The following PCDHGA5 variants were observed in gnomAD, a reference collection of about 807,000 sequenced individuals.
The protein encoded by PCDHGA5 is protocadherin gamma subfamily A, 5, also known as protocadherin gamma-A5.
In PCDHGA5, 36 loss-of-function variants were observed where a neutral mutation model predicts 56.7. That is an observed-to-expected ratio of 0.64 (90% CI 0.49 to 0.84). PCDHGA5 has a LOEUF of 0.84. Ranked by LOEUF, PCDHGA5 falls within the 40% of genes least tolerant of loss-of-function variation. The pLI, the probability that PCDHGA5 is intolerant of heterozygous loss-of-function variation, is 0.00. For missense variants in PCDHGA5, 1,305 were observed against 1,201.5 expected (o/e 1.09, Z -1.27); for synonymous variants, 563 against 520.2 (o/e 1.08, Z -1.12).
In PCDHGA5 at chr5:141,432,075, C is replaced by G. The variant is rs2097446801; in HGVS notation, c.2422-62732C>G. 2 of 1,614,086 alleles carry G rather than the reference C, an allele frequency of 1.2e-6. No individual in the cohort carries two copies. Among genetic ancestry groups the G allele is most frequent in the Non-Finnish European group, 1.7e-6 (2 of 1,180,054 alleles). ...CCCCTATCCACGGAAACTCATATCT[C>G]GCTGAACGTGGCAGACACCAACGAC... On this transcript the variant is annotated intron_variant, in intron 1 of 3. Transcript: ENST00000518069. This position sits in a 1 kb window ranked among gnomAD's most constrained non-coding sequence, Gnocchi z 6.0.
chr5:141,435,614 C>A, intron 1 of PCDHGA5, among the ~76,000 whole-genome samples: 1 of 152,056 alleles, frequency 6.6e-6, no homozygotes, highest in East Asian at 1.9e-4. Flanking sequence ...ACATTAAATT[C>A]CCCATAACTT....
In PCDHGA5 at chr5:141,457,578, C is replaced by T. The variant is rs538068150; in HGVS notation, c.2422-37229C>T. Among the ~76,000 whole-genome samples, 38 of 152,304 alleles carry T rather than the reference C, an allele frequency of 2.5e-4. No individual in the cohort carries two copies. The South Asian group carries it at 7.7e-3, about 31-fold the overall frequency. ...AGCTTTGGAGCAAAATTTTTCTCTC[C>T]AGTCCTCATTTTTGGTAAAAACTAA... On this transcript the variant is annotated intron_variant, in intron 1 of 3. Coordinates refer to ENST00000518069, the MANE Select transcript of PCDHGA5 (RefSeq NM_018918.3).
intron 1 of PCDHGA5, chr5:141,478,026 C>G: frequency 6.2e-7 from 1 of 1,614,180 alleles, no homozygotes; most frequent in Non-Finnish European, 8.5e-7. Flanking sequence ...GTCCAAGACA[C>G]AGATTCACCC....
At chr5:141,501,901 C>T (rs1595767273) in intron 2 of PCDHGA5, among the ~76,000 whole-genome samples, 1 of 152,070 alleles carries the variant, frequency 6.6e-6, no homozygotes, top group Non-Finnish European at 1.5e-5. Context: ...TGGTTCCAAC[C>T]CCACTGTTCC....
chr5:141,365,735 G>T lies in PCDHGA5; in HGVS notation c.1405G>T (p.Val469Phe), dbSNP rs1764082475. 6 of 1,613,626 alleles carry T rather than the reference G, an allele frequency of 3.7e-6. No homozygotes were observed. Among genetic ancestry groups the T allele is most frequent in the Non-Finnish European group, 5.1e-6 (6 of 1,179,894 alleles). The change falls in exon 1 of 4, where the codon GTC becomes TTC. Residue 469 changes from valine (V) to phenylalanine (F), a missense_variant. Val to Phe is a conservative substitution (Grantham distance 50). Coordinates refer to ENST00000518069, the MANE Select transcript of PCDHGA5 (RefSeq NM_018918.3). ...TGTCACAGAAAACAATCCCAGAGGT[G>T]TCTCTATCTTCTCTGTGACAGCCCA... ...TSVTENNPRG[V>F]SIFSVTAHDP...
chr5:141,384,595 G>A, intron 1 of PCDHGA5: 1 of 1,614,198 alleles, frequency 6.2e-7, no homozygotes, highest in Non-Finnish European at 8.5e-7. Flanking sequence ...CCTGTACCCG[G>A]CCCTCCCCAC....
intron 1 of PCDHGA5, chr5:141,394,415 C>G: frequency 6.2e-7 from 1 of 1,614,242 alleles, no homozygotes; most frequent in Non-Finnish European, 8.5e-7. Flanking sequence ...TGGTAACAGC[C>G]AGCGACAGCG....
rs774456704 is a variant in PCDHGA5, at chr5:141,390,013, C to T, written c.2421+23262C>T. On this transcript the variant is annotated intron_variant, in intron 1 of 3. Coordinates refer to ENST00000518069, the MANE Select transcript of PCDHGA5 (RefSeq NM_018918.3). ...CTCGTGGCCATGATTCTGGCCATTG[C>T]CTTGCGCCTGCGACGCTCCTCCAGC... 1.3e-4 allele frequency: 202 copies of T among 1,613,936 alleles called. No homozygotes were observed. The highest frequency in any genetic ancestry group is 1.6e-4 in the Non-Finnish European group (192 of 1,179,918).
At chr5:141,428,437 C>A in intron 1 of PCDHGA5, 1 of 400,386 alleles carries the variant, frequency 2.5e-6, no homozygotes, top group South Asian at 2.4e-5. Flanking sequence ...TAAGACTAGA[C>A]CAGGGGTTTT....
intron 1 of PCDHGA5, chr5:141,413,476 G>A: frequency 6.2e-7 from 1 of 1,614,122 alleles, no homozygotes; most frequent in Non-Finnish European, 8.5e-7. Context: ...GGAGCTCTGC[G>A]CTCAGAGCGC....
intron 1 of PCDHGA5, among the ~76,000 whole-genome samples, chr5:141,402,432 TA>T (rs1325787840): frequency 6.6e-6 from 1 of 152,042 alleles, no homozygotes; most frequent in Non-Finnish European, 1.5e-5. Flanking sequence ...TGAAGCATCA[TA>T]AAAAGGAAAT....
At chr5:141,417,897 C>T (rs2096182334) in intron 1 of PCDHGA5, 1 of 1,578,084 alleles carries the variant, frequency 6.3e-7, no homozygotes, top group African/African-American at 1.4e-5. Context: ...CGGGCCGGCC[C>T]GCGGCAGGTA....
At chr5:141,434,883 C>T (rs1490696834) in intron 1 of PCDHGA5, among the ~76,000 whole-genome samples, 1 of 151,644 alleles carries the variant, frequency 6.6e-6, no homozygotes, top group Non-Finnish European at 1.5e-5. Context: ...ATACCAACAA[C>T]AATCCAGTCC....
chr5:141,415,761 T>A (rs1047830043), intron 1 of PCDHGA5: 2 of 1,399,648 alleles, frequency 1.4e-6, no homozygotes, highest in African/African-American at 3.0e-5. Context: ...TTTTTTTTTT[T>A]TTTTTTTTTT....
chr5:141,499,223 C>T (rs1478344280), intron 2 of PCDHGA5, among the ~76,000 whole-genome samples: 2 of 152,112 alleles, frequency 1.3e-5, no homozygotes, highest in African/African-American at 4.8e-5. Context: ...CCCTGCCCTG[C>T]AGCTGTCCCC....
At chr5:141,418,460 G>A in intron 1 of PCDHGA5, 1 of 1,613,992 alleles carries the variant, frequency 6.2e-7, no homozygotes, top group Non-Finnish European at 8.5e-7. Context: ...GAAGACTCTG[G>A]ACCGAGAAAC....
rs1763814300 is a variant in PCDHGA5 at position 141,365,253 on chromosome 5, A to G, written c.923A>G (p.Asp308Gly). Residue 308 changes from aspartate (D) to glycine (G), a missense_variant, in exon 1 of 4, where the codon GAC becomes GGC. Coordinates refer to ENST00000518069, the MANE Select transcript of PCDHGA5 (RefSeq NM_018918.3). ...LGEISTLQSL[D>G]YEESRFYLME... The stretch of plus-strand genomic sequence containing the variant: ...GAAATCTCAACTCTACAATCACTGG[A>G]CTATGAAGAATCCAGATTCTACCTC... The G allele has an allele frequency of 8.7e-6, 14 of 1,613,978 alleles. No homozygotes were observed. Among genetic ancestry groups the G allele is most frequent in the Non-Finnish European group, 1.1e-5 (13 of 1,179,890 alleles).
rs1368632691 is a variant in PCDHGA5 at position 141,485,071 on chromosome 5, C to A, written c.2422-9736C>A. ...GCCGGCCGAACCGCGCCAGAGCTGG[C>A]GCGGGGAAAGGGAGATAGGTGTCTC... On this transcript the variant is annotated intron_variant, in intron 1 of 3. Coordinates refer to ENST00000518069, the MANE Select transcript of PCDHGA5 (RefSeq NM_018918.3). This position sits in a 1 kb window ranked among gnomAD's most constrained non-coding sequence, Gnocchi z 5.7. 3.3e-6 allele frequency: 3 copies of A among 913,030 alleles called. No individual in the cohort carries two copies. Among genetic ancestry groups the A allele is most frequent in the Non-Finnish European group, 5.1e-6 (3 of 584,604 alleles). 56.6% of individuals were successfully genotyped at this position (913,030 alleles called of 1,614,324 possible).
At chr5:141,500,619 G>A (rs1230172485) in intron 2 of PCDHGA5, among the ~76,000 whole-genome samples, 1 of 152,072 alleles carries the variant, frequency 6.6e-6, no homozygotes, top group East Asian at 1.9e-4. Context: ...CCAGTCATAC[G>A]GTACATTTCC....
Sources: gnomAD v4.1 joint callset for allele counts (sites outside exome capture counted in the v4.1 genomes callset) on GRCh38, gnomAD v4.1.1 for gene constraint, Gnocchi (gnomAD v3.1) non-coding constraint, MANE v1.5 for transcripts, NCBI Gene and HGNC (gene_info 2026-07-23, HGNC 2026-07-21) for gene names.